ACBD3: variants seen among roughly 807,000 people sequenced by gnomAD.
ACBD3 encodes the protein Golgi resident protein GCP60.
Under a neutral mutation model 66.9 loss-of-function variants are expected in ACBD3, and 30 were observed. The observed-to-expected ratio is 0.45, with a 90% CI of 0.34 to 0.61. The LOEUF is 0.61. Ranked by LOEUF, ACBD3 falls within the 20% of genes least tolerant of loss-of-function variation. ACBD3 has a pLI of 0.02. For missense variants in ACBD3, 544 were observed against 664.5 expected, an observed-to-expected ratio of 0.82 and a Z score of 1.99; for synonymous variants, 278 against 259.8, an observed-to-expected ratio of 1.07 and a Z score of -0.68.
intron 7 of ACBD3, 68 bp downstream of exon 7, chr1:226,152,267 C>T (rs1659590530): frequency 1.9e-6 from 3 of 1,572,996 alleles, no homozygotes; most frequent in Admixed American, 1.7e-5. Context: ...CTGGGTGACA[C>T]CTGAACTATG....
chr1:226,153,578 C>T (rs1302513907), intron 6 of ACBD3, among the ~76,000 whole-genome samples: 1 of 152,162 alleles, frequency 6.6e-6, no homozygotes, highest in East Asian at 1.9e-4. Context: ...CTCTCCATCA[C>T]CGTACTTATC....
chr1:226,152,649 G>A (rs1379836112), intron 6 of ACBD3, 30 bp from the exon 7 acceptor site: 2 of 1,591,422 alleles, frequency 1.3e-6, no homozygotes, highest in Admixed American at 1.8e-5. Context: ...AAAAGCTAAA[G>A]AAAAAGAGCC....
intron 1 of ACBD3, among the ~76,000 whole-genome samples, chr1:226,186,020 C>G (rs940818105): frequency 2.6e-5 from 4 of 152,056 alleles, no homozygotes; most frequent in Admixed American, 6.6e-5. Context: ...AAAAGAAAAG[C>G]GTCAGTTAAA....
intron 1 of ACBD3, among the ~76,000 whole-genome samples, chr1:226,183,437 C>A (rs1316173501): frequency 6.6e-6 from 1 of 152,098 alleles, no homozygotes; most frequent in Non-Finnish European, 1.5e-5. Flanking sequence ...CCGCCTCGGC[C>A]TCCCAAAGTG....
At chr1:226,165,706 G>A (rs1659863570) in intron 2 of ACBD3, among the ~76,000 whole-genome samples, 153 bp downstream of exon 2, 1 of 152,148 alleles carries the variant, frequency 6.6e-6, no homozygotes, top group African/African-American at 2.4e-5. Context: ...GCTAAAAACA[G>A]ATAAATATCT....
At position 226,166,114 on chromosome 1, in the gene ACBD3, A is replaced by C. The variant is rs928114404; in HGVS notation, c.287-114T>G. ...ATGTCACAAACTGCCTGTAATAGAC[A>C]CAAACACTAATAGTGAAATTTTTAT... On this transcript the variant is annotated intron_variant, in intron 1 of 7. Coordinates refer to ENST00000366812, the MANE Select transcript of ACBD3 (RefSeq NM_022735.4). The C allele has an allele frequency of 8.6e-6, 10 of 1,166,948 alleles. No homozygotes were observed. In the African/African-American group the frequency reaches 1.6e-4, roughly 19 times the overall value. 72.3% of individuals were successfully genotyped at this position (1,166,948 alleles called of 1,614,324 possible).
rs757052166 is a variant in ACBD3 at position 226,152,318 on chromosome 1, T to C, written c.1375+17A>G. ...CACACAACCCAGCAGCTACTGAATA[T>C]GGACCAAGGGTTCTACCTTCTTCCT... On this transcript the variant is annotated intron_variant, in intron 7 of 7. Transcript: ENST00000366812. 4.3e-6 allele frequency: 7 copies of C among 1,611,872 alleles called. No individual in the cohort carries two copies. In the Admixed American group the frequency reaches 8.3e-5, roughly 19 times the overall value.
At chr1:226,177,166 T>C (rs1202653929) in intron 1 of ACBD3, among the ~76,000 whole-genome samples, 2 of 18,956 alleles carry the variant, frequency 1.1e-4, no homozygotes, top group Non-Finnish European at 2.1e-4. Flanking sequence ...ATGTAGCTGT[T>C]TTTTTTTTTT....
At chr1:226,175,091 C>CAAAAAAAAAAAAAAAAAAAAA (rs35201518) in intron 1 of ACBD3, among the ~76,000 whole-genome samples, 19 of 75,948 alleles carry the variant, frequency 2.5e-4, no homozygotes, top group Non-Finnish European at 3.6e-4. Flanking sequence ...GACTCCATCT[C>CAAAAAAAAAAAAAAAAAAAAA]AAAAAAAAAA....
chr1:226,177,207 C>T (rs1458995124), intron 1 of ACBD3, among the ~76,000 whole-genome samples: 2 of 142,180 alleles, frequency 1.4e-5, no homozygotes, highest in African/African-American at 2.6e-5. Context: ...GCTTTTGTCG[C>T]TTGAACCGGG....
chr1:226,157,242 A>AG (rs1659691543), intron 5 of ACBD3, among the ~76,000 whole-genome samples: 1 of 145,664 alleles, frequency 6.9e-6, no homozygotes, highest in Admixed American at 6.8e-5. Context: ...TCAATTATGG[A>AG]TTTTTTTTTT....
intron 1 of ACBD3, among the ~76,000 whole-genome samples, chr1:226,170,474 T>C (rs1659972248): frequency 6.6e-6 from 1 of 151,732 alleles, no homozygotes; most frequent in South Asian, 2.1e-4. Context: ...GTGCTCGGCC[T>C]TTCTTTTTTT....
At chr1:226,156,651 T>A (rs771451287) in intron 5 of ACBD3, among the ~76,000 whole-genome samples, 4 of 152,334 alleles carry the variant, frequency 2.6e-5, no homozygotes, top group Non-Finnish European at 5.9e-5. Flanking sequence ...TGAATAGCAA[T>A]GCTTCTCTTT....
intron 1 of ACBD3, among the ~76,000 whole-genome samples, chr1:226,167,373 G>C (rs1351218650): frequency 3.9e-5 from 6 of 152,162 alleles, no homozygotes; most frequent in African/African-American, 1.2e-4. Context: ...AATAAAGAAA[G>C]GGTTACCCTT....
chr1:226,163,881 G>A (rs1659817713), intron 3 of ACBD3, among the ~76,000 whole-genome samples: 1 of 152,138 alleles, frequency 6.6e-6, no homozygotes, highest in Admixed American at 6.5e-5. Context: ...AGCACTTTGG[G>A]AGGACCAGGC....
intron 1 of ACBD3, among the ~76,000 whole-genome samples, chr1:226,167,311 A>G (rs969435242): frequency 2.6e-5 from 4 of 152,226 alleles, no homozygotes; most frequent in African/African-American, 9.7e-5. Context: ...TTTAAATCTC[A>G]GCTGAGACAC....
chr1:226,158,276 T>A (rs1032159803), intron 5 of ACBD3, among the ~76,000 whole-genome samples: 1 of 152,234 alleles, frequency 6.6e-6, no homozygotes, highest in African/African-American at 2.4e-5. Flanking sequence ...ACACTTTTCT[T>A]CACTCAGATT....
At chr1:226,164,988 T>A in intron 2 of ACBD3, 59 bp from the exon 3 acceptor site, 1 of 1,447,292 alleles carries the variant, frequency 6.9e-7, no homozygotes. Flanking sequence ...AACTTTTAAA[T>A]TTAAACCTAA....
At chr1:226,151,773 CG>C (rs2102774833) in intron 7 of ACBD3, among the ~76,000 whole-genome samples, 1 of 152,144 alleles carries the variant, frequency 6.6e-6, no homozygotes. Context: ...TTTGGGAGGC[CG>C]AGGCGGGTGG....
Sources: allele counts gnomAD v4.1 joint callset (sites outside exome capture counted in the v4.1 genomes callset), GRCh38; gene constraint gnomAD v4.1.1; transcripts MANE v1.5; gene names NCBI Gene and HGNC (gene_info 2026-07-23, HGNC 2026-07-21).